The following MRC2 variants were observed in gnomAD, a reference collection of about 807,000 sequenced individuals.
MRC2 encodes the protein mannose receptor C-type 2.
A neutral mutation model predicts 206.2 loss-of-function variants in MRC2; 84 were observed. That is an observed-to-expected ratio of 0.41 (90% CI 0.34 to 0.49). MRC2 has a LOEUF of 0.49. Ranked by LOEUF, MRC2 falls within the 20% of genes least tolerant of loss-of-function variation. MRC2 has a pLI of 0.31. For missense variants in MRC2, 1,676 were observed against 2,001.5 expected (o/e 0.84, Z 3.10); for synonymous variants, 798 against 800.0 (o/e 1.00, Z 0.04).
At chr17:62,628,228 C>T (rs2084185729) in intron 1 of MRC2, among the ~76,000 whole-genome samples, 1 of 151,980 alleles carries the variant, frequency 6.6e-6, no homozygotes, top group Non-Finnish European at 1.5e-5. Flanking sequence ...GACCCCCGCG[C>T]ACCGCGCTCC....
rs2084182617 is a variant in MRC2 at position 62,627,988 on chromosome 17, T to C, written c.118+68T>C. The C allele has an allele frequency of 2.7e-6, 3 of 1,097,238 alleles. No homozygotes were observed. The Admixed American group carries it at 1.2e-4, about 43-fold the overall frequency. 68.0% of individuals were successfully genotyped at this position (1,097,238 alleles called of 1,614,324 possible). A position where few individuals can be genotyped will look rare whatever the true frequency, so the allele number is the denominator to read the frequency against. ...GGGAGCGCCGAGGCGCGGGCCGCTC[T>C]CGACTTTTCCCTCCTTTTCCCCCCT... On this transcript the variant is annotated intron_variant, in intron 1 of 29. Coordinates refer to ENST00000303375, the MANE Select transcript of MRC2 (RefSeq NM_006039.5).
chr17:62,681,752 C>G, intron 18 of MRC2, 85 bp from the exon 19 acceptor site: 2 of 1,065,078 alleles, frequency 1.9e-6, no homozygotes, highest in Non-Finnish European at 2.8e-6. Context: ...TCCCTGCCCC[C>G]ATTCCTGCGG....
At chr17:62,682,516 C>T (rs2088981336) in intron 20 of MRC2, 139 bp downstream of exon 20, 4 of 1,002,796 alleles carry the variant, frequency 4.0e-6, no homozygotes, top group Non-Finnish European at 5.6e-6. Context: ...TCTCTTTCAC[C>T]TGGCTCCAGT....
intron 1 of MRC2, among the ~76,000 whole-genome samples, chr17:62,662,500 CA>C: frequency 6.6e-6 from 1 of 152,318 alleles, no homozygotes; most frequent in South Asian, 2.1e-4. Flanking sequence ...GATCCTGTTC[CA>C]AATGCTTTAC....
intron 1 of MRC2, among the ~76,000 whole-genome samples, chr17:62,640,108 T>C (rs2088382132): frequency 1.4e-5 from 2 of 143,702 alleles, no homozygotes; most frequent in African/African-American, 5.2e-5. Context: ...TGACCTCAGG[T>C]GATCTGCCTG....
chr17:62,631,274 TG>T, intron 1 of MRC2, among the ~76,000 whole-genome samples: 1 of 152,168 alleles, frequency 6.6e-6, no homozygotes, highest in Admixed American at 6.5e-5. Context: ...GTGCATGTGG[TG>T]GGCGCCGTGC....
chr17:62,660,743 G>T (rs1346121449), intron 1 of MRC2, among the ~76,000 whole-genome samples: 1 of 152,118 alleles, frequency 6.6e-6, no homozygotes, highest in African/African-American at 2.4e-5. Context: ...TTAAAATCCA[G>T]ATTCCCTTTA....
At chr17:62,690,557 C>T (rs2089094929) in intron 26 of MRC2, 85 bp from the exon 27 acceptor site, 1 of 1,512,614 alleles carries the variant, frequency 6.6e-7, no homozygotes, top group Non-Finnish European at 8.9e-7. Context: ...ACTCAGGCTG[C>T]AGAGAAGAGG....
intron 1 of MRC2, among the ~76,000 whole-genome samples, chr17:62,648,846 C>A (rs1439362803): frequency 6.6e-6 from 1 of 152,220 alleles, no homozygotes; most frequent in East Asian, 1.9e-4. Context: ...GTCTGCTAAG[C>A]CTGGTTCCCA....
intron 6 of MRC2, among the ~76,000 whole-genome samples, chr17:62,669,755 C>T (rs536875474): frequency 6.6e-6 from 1 of 152,122 alleles, no homozygotes; most frequent in Non-Finnish European, 1.5e-5. Flanking sequence ...GGGGTTTCAC[C>T]ATGTTGCCCA....
Position 62,691,089 on chromosome 17 carries a change from A to G in MRC2, c.4153A>G (p.Thr1385Ala), listed in dbSNP as rs2089105498. ...NSGLWRPGAC[T>A]NITMGVVCKL... ...CGGGCTATGGCGCCCCGGCGCTTGC[A>G]CCAACATCACCATGGGTGTCGTCTG... is the stretch of plus-strand genomic sequence containing the variant. Residue 1385 changes from threonine to alanine, a missense_variant, in exon 28 of 30, where the codon ACC (threonine) becomes GCC (alanine). Thr to Ala is a moderately conservative substitution (Grantham distance 58). Around this residue, in one of 3 missense-constraint regions of MRC2, gnomAD observed 1,354 missense variants for 1,636.6 expected, o/e 0.83. Transcript: ENST00000303375. The G allele has an allele frequency of 1.9e-6, 3 of 1,609,438 alleles. No homozygotes were observed. In the East Asian group the frequency reaches 6.7e-5, roughly 36 times the overall value.
intron 2 of MRC2, 150 bp downstream of exon 2, chr17:62,665,099 A>G (rs1451971471): frequency 1.1e-6 from 1 of 950,860 alleles, no homozygotes; most frequent in East Asian, 2.7e-5. Flanking sequence ...TTTTTTAATA[A>G]TTAAGAAAAT....
chr17:62,666,840 T>C lies in MRC2; in HGVS notation c.943T>C (p.Ser315Pro). Residue 315 changes from serine (S) to proline (P), a missense_variant, in exon 5 of 30, where the codon TCG (serine) becomes CCG (proline). Transcript: ENST00000303375. The surrounding 1 kb of genome is among the most constrained non-coding windows in gnomAD (Gnocchi z 5.0). ...TSGGWQWSDN[S>P]PLKYLNWESD... ...CGGAGGCTGGCAGTGGTCGGACAAC[T>C]CGCCCCTCAAGTACCTCAACTGGGA... 1 of 1,613,644 alleles carries C rather than the reference T, an allele frequency of 6.2e-7. No individual in the cohort carries two copies. The highest frequency in any genetic ancestry group is 8.5e-7 in the Non-Finnish European group (1 of 1,179,922).
intron 1 of MRC2, 116 bp downstream of exon 1, chr17:62,628,036 CGT>C (rs984975296): frequency 2.7e-5 from 17 of 641,264 alleles, no homozygotes; most frequent in Non-Finnish European, 3.5e-5. Context: ...AGCGTGTGTG[CGT>C]GTGTGTGTGA....
intron 1 of MRC2, among the ~76,000 whole-genome samples, chr17:62,659,209 G>A (rs1272417062): frequency 6.6e-6 from 1 of 152,034 alleles, no homozygotes; most frequent in East Asian, 1.9e-4. Context: ...ACCTCCCAAA[G>A]GTCTCACATC....
At chr17:62,687,011 C>T (rs916035557) in intron 20 of MRC2, among the ~76,000 whole-genome samples, 4 of 152,160 alleles carry the variant, frequency 2.6e-5, no homozygotes, top group African/African-American at 9.7e-5. Flanking sequence ...TATCTTTAAT[C>T]CTTAAAATGA....
chr17:62,647,473 C>T (rs2088504524), intron 1 of MRC2, among the ~76,000 whole-genome samples: 1 of 151,932 alleles, frequency 6.6e-6, no homozygotes, highest in Admixed American at 6.6e-5. Context: ...GTGTGAGCTG[C>T]CGCGCCCTGC....
At chr17:62,686,392 G>GC (rs2089032479) in intron 20 of MRC2, among the ~76,000 whole-genome samples, 1 of 152,146 alleles carries the variant, frequency 6.6e-6, no homozygotes, top group Admixed American at 6.5e-5. Context: ...GGCGGAGGTT[G>GC]CAGTGAGCTG....
intron 1 of MRC2, among the ~76,000 whole-genome samples, chr17:62,649,963 C>T (rs954416008): frequency 6.6e-6 from 1 of 150,922 alleles, no homozygotes; most frequent in South Asian, 2.1e-4. Context: ...GGCACTATCT[C>T]GGCTCACTGC....
Sources: gnomAD v4.1 joint callset for allele counts (sites outside exome capture counted in the v4.1 genomes callset) on GRCh38, gnomAD v4.1.1 for gene constraint, gnomAD v4.1.1 regional missense constraint, Gnocchi (gnomAD v3.1) non-coding constraint, MANE v1.5 for transcripts, NCBI Gene and HGNC (gene_info 2026-07-23, HGNC 2026-07-21) for gene names.